Variants in KIAA0319 observed in about 807,000 individuals in gnomAD.
KIAA0319 encodes KIAA0319.
In KIAA0319, 83 loss-of-function variants were observed where a neutral mutation model predicts 108.4. The ratio of observed to expected loss-of-function variants is 0.77; its 90% CI spans 0.64 to 0.92. The LOEUF (loss-of-function observed/expected upper bound fraction) is 0.92. KIAA0319 is among the 40% of genes least tolerant of loss of function. The probability of loss-of-function intolerance (pLI) is 0.00; values close to 1 mark genes in which losing one functional copy is unlikely to be tolerated. For missense variants in KIAA0319, 1,195 were observed against 1,322.4 expected, an observed-to-expected ratio of 0.90 and a Z score of 1.49; for synonymous variants, 484 against 510.4, an observed-to-expected ratio of 0.95 and a Z score of 0.70.
chr6:24,622,655 C>T lies in KIAA0319; in HGVS notation c.-105-21447G>A, dbSNP rs371695104. On this transcript the variant is annotated intron_variant, in intron 1 of 20. Transcript: ENST00000378214. ...TGTGTTAGGCCCAGGATCTGTTCTT[C>T]GCATTTTAAACATCCTAACATACCT... 7.9e-5 allele frequency among the ~76,000 whole-genome samples: 12 copies of T among 152,296 alleles called. No homozygotes were observed. The East Asian group carries it at 1.5e-3, about 20-fold the overall frequency.
At chr6:24,620,793 T>C (rs1458855307) in intron 1 of KIAA0319, among the ~76,000 whole-genome samples, 1 of 152,230 alleles carries the variant, frequency 6.6e-6, no homozygotes, top group African/African-American at 2.4e-5. Flanking sequence ...CCCACCCTTA[T>C]GACCTCATTT....
intron 4 of KIAA0319, among the ~76,000 whole-genome samples, chr6:24,588,271 C>T (rs147652250): frequency 1.4e-4 from 22 of 152,318 alleles, no homozygotes; most frequent in African/African-American, 5.1e-4. Context: ...CTAGCATCAT[C>T]TCCTCTGGAA....
At chr6:24,615,162 T>C (rs1255197989) in intron 1 of KIAA0319, among the ~76,000 whole-genome samples, 1 of 152,238 alleles carries the variant, frequency 6.6e-6, no homozygotes, top group Non-Finnish European at 1.5e-5. Context: ...CTTTACTTAT[T>C]TGCATCCATC....
intron 1 of KIAA0319, among the ~76,000 whole-genome samples, chr6:24,617,579 A>G (rs1268411322): frequency 3.3e-5 from 5 of 152,230 alleles, no homozygotes; most frequent in East Asian, 3.8e-4. Context: ...ACTGATTTAT[A>G]CAATAGAGAG....
Position 24,596,322 on chromosome 6 carries a change from C to T in KIAA0319, c.352G>A (p.Asp118Asn), listed in dbSNP as rs1419862823. ...GGGGAGCCCCTGTTCAGCATCATGTCCCCATAGTCCAGCAGCTGTGCAGGC... is the reference window on the plus strand; with the variant it reads ...GGGGAGCCCCTGTTCAGCATCATGTTCCCATAGTCCAGCAGCTGTGCAGGC... ...QRPAQLLDYG[D>N]MMLNRGSPSG... The change falls in exon 3 of 21, where the codon GAC becomes AAC. Residue 118 changes from aspartate to asparagine, a missense_variant. Coordinates refer to ENST00000378214, the MANE Select transcript of KIAA0319 (RefSeq NM_014809.4). The T allele has an allele frequency of 1.2e-6, 2 of 1,614,048 alleles. No individual in the cohort carries two copies. Among genetic ancestry groups the T allele is most frequent in the African/African-American group, 1.3e-5 (1 of 74,950 alleles).
At chr6:24,555,595 T>C (rs980332632) in intron 18 of KIAA0319, among the ~76,000 whole-genome samples, 1 of 152,130 alleles carries the variant, frequency 6.6e-6, no homozygotes, top group Non-Finnish European at 1.5e-5. Flanking sequence ...GATTTTTATA[T>C]AGTATTAAAT....
At chr6:24,633,838 A>G (rs1267358397) in intron 1 of KIAA0319, among the ~76,000 whole-genome samples, 1 of 152,212 alleles carries the variant, frequency 6.6e-6, no homozygotes, top group Non-Finnish European at 1.5e-5. Context: ...CAAACTAGGA[A>G]TAATAAAACT....
chr6:24,628,077 G>A (rs1394853902), intron 1 of KIAA0319, among the ~76,000 whole-genome samples: 3 of 152,114 alleles, frequency 2.0e-5, no homozygotes, highest in African/African-American at 7.2e-5. Context: ...ACGTAGTGCT[G>A]GAAAGCATGT....
rs975254386 is a variant in KIAA0319 at position 24,547,358 on chromosome 6, A to G, written c.3041-15T>C. On this transcript the variant is annotated splice_polypyrimidine_tract_variant and intron_variant, in intron 20 of 20. Coordinates refer to ENST00000378214, the MANE Select transcript of KIAA0319 (RefSeq NM_014809.4). ...GTGCTTGATACCTAGAGAGAAGCAC[A>G]GAAGCATCTGAGGAGGAACGCCGTG... is the stretch of plus-strand genomic sequence containing the variant. The G allele has an allele frequency of 6.2e-7, 1 of 1,610,668 alleles. No homozygotes were observed. Among genetic ancestry groups the G allele is most frequent in the Non-Finnish European group, 8.5e-7 (1 of 1,177,360 alleles).
chr6:24,639,014 A>T (rs1317258676), intron 1 of KIAA0319, among the ~76,000 whole-genome samples: 2 of 152,224 alleles, frequency 1.3e-5, no homozygotes, highest in African/African-American at 4.8e-5. Context: ...CACAATGTAC[A>T]CAAATATCAA....
Position 24,571,171 on chromosome 6 carries a change from G to A in KIAA0319, c.1859-1136C>T, listed in dbSNP as rs1017417841. Among the ~76,000 whole-genome samples the A allele has an allele frequency of 2.7e-5, 4 of 150,876 alleles. No homozygotes were observed. In the East Asian group the frequency reaches 7.8e-4, roughly 29 times the overall value. ...CATGCCACTGCACTCCAGCCTAGAC[G>A]ACAGAGTGAGACTCTGTCTCGAGGG... On this transcript the variant is annotated intron_variant, in intron 11 of 20. Transcript: ENST00000378214.
intron 2 of KIAA0319, chr6:24,598,848 C>T: frequency 3.5e-6 from 1 of 289,468 alleles, no homozygotes; most frequent in Admixed American, 4.1e-5. Context: ...TGCACTCCAG[C>T]CTGGGTGACA....
At chr6:24,585,475 AG>A (rs1767326076) in intron 4 of KIAA0319, among the ~76,000 whole-genome samples, 1 of 152,086 alleles carries the variant, frequency 6.6e-6, no homozygotes, top group African/African-American at 2.4e-5. Flanking sequence ...TCACAGGTGC[AG>A]GGGGTGGGGG....
chr6:24,644,249 G>A (rs545348716), intron 1 of KIAA0319, among the ~76,000 whole-genome samples: 1 of 152,118 alleles, frequency 6.6e-6, no homozygotes, highest in African/African-American at 2.4e-5. Flanking sequence ...AGGGGAGAGG[G>A]GGGGGTTCCC....
intron 1 of KIAA0319, among the ~76,000 whole-genome samples, chr6:24,603,551 G>A (rs577154923): frequency 5.9e-5 from 9 of 152,190 alleles, no homozygotes; most frequent in Admixed American, 4.6e-4. Context: ...CTCCCTCCAC[G>A]CAGAGGATGT....
At chr6:24,549,552 C>T (rs968402518) in intron 20 of KIAA0319, among the ~76,000 whole-genome samples, 4 of 152,132 alleles carry the variant, frequency 2.6e-5, no homozygotes, top group Non-Finnish European at 5.9e-5. Context: ...GGCAGTGCAA[C>T]ATAGAGGAAG....
chr6:24,568,714 C>T, intron 13 of KIAA0319, 67 bp downstream of exon 13: 1 of 1,488,622 alleles, frequency 6.7e-7, no homozygotes, highest in Middle Eastern at 2.3e-4. Flanking sequence ...TAGTCATGGC[C>T]TGGCTGAGGG....
chr6:24,623,918 A>G (rs920359136), intron 1 of KIAA0319, among the ~76,000 whole-genome samples: 1 of 151,848 alleles, frequency 6.6e-6, no homozygotes, highest in Non-Finnish European at 1.5e-5. Flanking sequence ...CACAATGATT[A>G]TGTATCCACA....
chr6:24,637,406 T>C (rs1358595899), intron 1 of KIAA0319, among the ~76,000 whole-genome samples: 5 of 152,222 alleles, frequency 3.3e-5, no homozygotes, highest in Non-Finnish European at 5.9e-5. Flanking sequence ...TCATTAGGCA[T>C]CCACCTTACA....
Sources: allele counts gnomAD v4.1 joint callset (sites outside exome capture counted in the v4.1 genomes callset), GRCh38; gene constraint gnomAD v4.1.1; transcripts MANE v1.5; gene names NCBI Gene and HGNC (gene_info 2026-07-23, HGNC 2026-07-21).